The following WDR72 variants were observed in gnomAD, a reference collection of about 807,000 sequenced individuals.
WDR72 encodes the protein WD repeat domain 72.
WDR72 carries 120 observed loss-of-function variants against 124.2 expected under a neutral mutation model. The ratio of observed to expected loss-of-function variants is 0.97; its 90% CI spans 0.83 to 1.12. WDR72 has a LOEUF of 1.12. Among genes scored for constraint, WDR72 ranks in the 50% most tolerant of loss-of-function variants. The probability of loss-of-function intolerance (pLI) is 0.00; values close to 1 mark genes in which losing one functional copy is unlikely to be tolerated. For missense variants in WDR72, 1,387 were observed against 1,278.8 expected (o/e 1.08, Z -1.29); for synonymous variants, 452 against 441.7 (o/e 1.02, Z -0.29).
chr15:53,595,548 G>A (rs1392699744), intron 18 of WDR72, among the ~76,000 whole-genome samples: 1 of 152,004 alleles, frequency 6.6e-6, no homozygotes, highest in African/African-American at 2.4e-5. Flanking sequence ...TGGGGCTCTG[G>A]GCCAATGAAC....
chr15:53,738,358 T>C (rs1228588325), intron 1 of WDR72, among the ~76,000 whole-genome samples: 5 of 151,840 alleles, frequency 3.3e-5, no homozygotes, highest in South Asian at 2.1e-4. Context: ...CAACAACATA[T>C]AAGAAATAAT....
At chr15:53,623,908 G>GT (rs1555415300) in intron 14 of WDR72, among the ~76,000 whole-genome samples, 2 of 152,120 alleles carry the variant, frequency 1.3e-5, no homozygotes, top group South Asian at 2.1e-4. Flanking sequence ...ACTCATTGTC[G>GT]TTTAGAGTTG....
chr15:53,728,096 C>T (rs689629), intron 2 of WDR72, among the ~76,000 whole-genome samples: 8,667 of 152,212 alleles, frequency 0.057, 816 homozygotes, highest in African/African-American at 0.19. Flanking sequence ...TGAGACCGGG[C>T]AATTTACAAA....
rs372495280 is a variant in WDR72, at chr15:53,644,568, C to T, written c.1962+21004G>A. Reference sequence around the variant, plus strand: ...TATACTAGTTATGAGAAGTATGTATCTTGCAAAGATATGAAAAATCTGGAA... The same window carrying T: ...TATACTAGTTATGAGAAGTATGTATTTTGCAAAGATATGAAAAATCTGGAA... On this transcript the variant is annotated intron_variant, in intron 14 of 19. Transcript: ENST00000360509. Among the ~76,000 whole-genome samples, 34 of 152,090 alleles carry T rather than the reference C, an allele frequency of 2.2e-4. 1 individual carries two copies. In the South Asian group the frequency reaches 6.9e-3, roughly 31 times the overall value.
At chr15:53,556,109 G>C (rs867928075) in intron 18 of WDR72, among the ~76,000 whole-genome samples, 19 of 152,028 alleles carry the variant, frequency 1.2e-4, no homozygotes, top group African/African-American at 4.6e-4. Context: ...AAATAATAAT[G>C]CTCTATTTTA....
chr15:53,757,239 T>G (rs2018932591), intron 1 of WDR72, among the ~76,000 whole-genome samples: 1 of 152,146 alleles, frequency 6.6e-6, no homozygotes, highest in Non-Finnish European at 1.5e-5. Flanking sequence ...AGAGAAGAAC[T>G]GAATCTACAA....
intron 14 of WDR72, among the ~76,000 whole-genome samples, chr15:53,625,440 A>G (rs1416218071): frequency 1.3e-5 from 2 of 152,214 alleles, no homozygotes; most frequent in African/African-American, 4.8e-5. Context: ...ATTGTTTACA[A>G]TTGGTAAAGC....
At chr15:53,636,310 C>A (rs947880376) in intron 14 of WDR72, among the ~76,000 whole-genome samples, 2 of 152,082 alleles carry the variant, frequency 1.3e-5, no homozygotes, top group African/African-American at 4.8e-5. Flanking sequence ...TCAATCCTAA[C>A]CTGATCTGCT....
At position 53,716,595 on chromosome 15, in the gene WDR72, G is replaced by T; in HGVS notation, c.339+12C>A. On this transcript the variant is annotated intron_variant, in intron 4 of 19. Transcript: ENST00000360509. ...AATCTAGAAATGCCCTGAAGGAAGT[G>T]AGTGTACTTACACAGATTGCAGTGT... The T allele has an allele frequency of 1.9e-6, 3 of 1,560,174 alleles. No homozygotes were observed. Among genetic ancestry groups the T allele is most frequent in the South Asian group, 1.1e-5 (1 of 89,962 alleles).
chr15:53,566,020 G>A (rs892659711), intron 18 of WDR72, among the ~76,000 whole-genome samples: 2 of 151,962 alleles, frequency 1.3e-5, no homozygotes. Context: ...ACAGCAGTGT[G>A]GAAAATGGAT....
At chr15:53,703,683 G>A (rs2017254172) in intron 11 of WDR72, among the ~76,000 whole-genome samples, 1 of 151,880 alleles carries the variant, frequency 6.6e-6, no homozygotes, top group Non-Finnish European at 1.5e-5. Context: ...ACTGTGCTAG[G>A]GGGTTACTCT....
intron 17 of WDR72, among the ~76,000 whole-genome samples, chr15:53,605,595 C>G (rs1279876359): frequency 6.6e-6 from 1 of 152,202 alleles, no homozygotes; most frequent in Non-Finnish European, 1.5e-5. Context: ...TGGTTCACAC[C>G]TGTAATCCCA....
At chr15:53,643,559 AAACTTTC>A (rs2014931201) in intron 14 of WDR72, among the ~76,000 whole-genome samples, 1 of 152,116 alleles carries the variant, frequency 6.6e-6, no homozygotes, top group African/African-American at 2.4e-5. Flanking sequence ...GTTCCTCATC[AAACTTTC>A]TTTGGGGCAA....
In WDR72 at chr15:53,714,145, T is replaced by C. The variant is rs539776197; in HGVS notation, c.591+289A>G. On this transcript the variant is annotated intron_variant, in intron 6 of 19. Coordinates refer to ENST00000360509, the MANE Select transcript of WDR72 (RefSeq NM_182758.4). ...ATTTCCTCTGTAACGAACAGAGAGA[T>C]GTTCTATTTTTTAAAAGATTAAAAA... Among the ~76,000 whole-genome samples, 25 of 149,190 alleles carry C rather than the reference T, an allele frequency of 1.7e-4. No homozygotes were observed. In the South Asian group the frequency reaches 5.0e-3, roughly 30 times the overall value.
chr15:53,629,897 A>T (rs191678487), intron 14 of WDR72, among the ~76,000 whole-genome samples: 435 of 152,326 alleles, frequency 2.9e-3, no homozygotes, highest in Non-Finnish European at 5.2e-3. Flanking sequence ...GCAATATTTC[A>T]CCTGCCTCCC....
intron 13 of WDR72, among the ~76,000 whole-genome samples, chr15:53,668,989 G>GAGAAGGAGA (rs756811021): frequency 2.2e-5 from 2 of 89,526 alleles, no homozygotes; most frequent in African/African-American, 3.3e-5. Flanking sequence ...GAAGGAGAAG[G>GAGAAGGAGA]AGGAGGAGAA....
chr15:53,575,401 C>A (rs527953772), intron 18 of WDR72, among the ~76,000 whole-genome samples: 1 of 152,042 alleles, frequency 6.6e-6, no homozygotes, highest in Non-Finnish European at 1.5e-5. Flanking sequence ...GAAATAAAAC[C>A]ATGATTGTTC....
chr15:53,634,048 T>C (rs1235374798), intron 14 of WDR72, among the ~76,000 whole-genome samples: 1 of 152,204 alleles, frequency 6.6e-6, no homozygotes, highest in Non-Finnish European at 1.5e-5. Context: ...AAATCAGTAA[T>C]AAAAAGTTAA....
chr15:53,743,973 C>CAA (rs11295149), intron 1 of WDR72, among the ~76,000 whole-genome samples: 5,716 of 128,656 alleles, frequency 0.044, 166 homozygotes, highest in African/African-American at 0.087. Context: ...AGACTCGTCT[C>CAA]AAAAAAAAAA....
Sources: allele counts gnomAD v4.1 joint callset (sites outside exome capture counted in the v4.1 genomes callset), GRCh38; gene constraint gnomAD v4.1.1; transcripts MANE v1.5; gene names NCBI Gene and HGNC (gene_info 2026-07-23, HGNC 2026-07-21).